Variants in GRIK1 observed in about 807,000 individuals in gnomAD.
GRIK1 encodes glutamate ionotropic receptor kainate type subunit 1, also known as glutamate receptor ionotropic, kainate 1.
GRIK1 carries 69 observed loss-of-function variants against 105.7 expected under a neutral mutation model. The observed-to-expected ratio is 0.65, with a 90% CI of 0.54 to 0.80. The LOEUF (loss-of-function observed/expected upper bound fraction) is 0.80. GRIK1 is among the 30% of genes least tolerant of loss of function. The probability of loss-of-function intolerance (pLI) is 0.00; values close to 1 mark genes in which losing one functional copy is unlikely to be tolerated. For synonymous variants in GRIK1, 438 were observed against 431.3 expected (o/e 1.02, Z -0.19); for missense variants, 1,109 against 1,167.3 (o/e 0.95, Z 0.73).
intron 1 of GRIK1, among the ~76,000 whole-genome samples, chr21:29,913,845 C>G (rs1266292385): frequency 1.3e-5 from 2 of 151,778 alleles, no homozygotes; most frequent in Non-Finnish European, 2.9e-5. Flanking sequence ...TCAAGTTACA[C>G]ATATACATAA....
At chr21:29,721,125 C>G (rs1601529985) in intron 1 of GRIK1, among the ~76,000 whole-genome samples, 1 of 152,030 alleles carries the variant, frequency 6.6e-6, no homozygotes, top group Non-Finnish European at 1.5e-5. Context: ...GGTGTATAAG[C>G]TGCTTGAGCT....
intron 1 of GRIK1, among the ~76,000 whole-genome samples, chr21:29,866,599 G>T (rs1271269676): frequency 6.6e-6 from 1 of 152,124 alleles, no homozygotes; most frequent in Non-Finnish European, 1.5e-5. Context: ...AAAGATGGGG[G>T]ACTTTTGGAT....
chr21:29,778,368 A>T (rs1434502538), intron 1 of GRIK1, among the ~76,000 whole-genome samples: 1 of 152,244 alleles, frequency 6.6e-6, no homozygotes, highest in Non-Finnish European at 1.5e-5. Context: ...TTAAGATTTA[A>T]TATAAGTGGT....
intron 4 of GRIK1, among the ~76,000 whole-genome samples, chr21:29,666,168 C>T (rs2063055498): frequency 2.0e-5 from 3 of 152,162 alleles, no homozygotes; most frequent in South Asian, 4.1e-4. Context: ...CTTTGGGAGG[C>T]CAAGGCAGGC....
intron 1 of GRIK1, among the ~76,000 whole-genome samples, chr21:29,914,513 C>T (rs2070927490): frequency 6.6e-6 from 1 of 152,082 alleles, no homozygotes; most frequent in Non-Finnish European, 1.5e-5. Context: ...AACTTCAAGC[C>T]CTGACTTGAC....
At chr21:29,647,609 T>G (rs76016043) in intron 6 of GRIK1, among the ~76,000 whole-genome samples, 7,313 of 152,268 alleles carry the variant, frequency 0.048, 268 homozygotes, top group Non-Finnish European at 0.073. Context: ...TTCCCCTGAC[T>G]CCTGTGCAGT....
At chr21:29,802,534 T>C (rs1007986320) in intron 1 of GRIK1, among the ~76,000 whole-genome samples, 4 of 152,154 alleles carry the variant, frequency 2.6e-5, no homozygotes, top group Non-Finnish European at 4.4e-5. Flanking sequence ...AATCTTTTTG[T>C]CTGGATCTCA....
In GRIK1 at chr21:29,537,152, C is replaced by T. The variant is rs747325151; in HGVS notation, c.*78G>A. ...TGGATATAGATATATGGAAACACATCACACACTCCTCAGAAATCCTTTCTC... is the reference window on the plus strand; with the variant it reads ...TGGATATAGATATATGGAAACACATTACACACTCCTCAGAAATCCTTTCTC... On this transcript the variant is annotated 3_prime_UTR_variant, in exon 18 of 18. Transcript: ENST00000327783. 6.2e-6 allele frequency: 6 copies of T among 971,776 alleles called. No individual in the cohort carries two copies. The highest frequency in any genetic ancestry group is 9.1e-6 in the Non-Finnish European group (6 of 657,400). 60.2% of individuals were successfully genotyped at this position (971,776 alleles called of 1,614,324 possible).
At chr21:29,750,667 GAGA>G (rs1036389746) in intron 1 of GRIK1, among the ~76,000 whole-genome samples, 9 of 151,674 alleles carry the variant, frequency 5.9e-5, no homozygotes, top group African/African-American at 2.2e-4. Context: ...GAGAAGGAGA[GAGA>G]AGAATTGAGA....
At chr21:29,598,206 T>G (rs1369401684) in intron 8 of GRIK1, among the ~76,000 whole-genome samples, 1 of 152,206 alleles carries the variant, frequency 6.6e-6, no homozygotes, top group Non-Finnish European at 1.5e-5. Flanking sequence ...ACCAAATAGT[T>G]TACATTGGAA....
At chr21:29,549,022 G>T (rs2090088493) in intron 16 of GRIK1, among the ~76,000 whole-genome samples, 1 of 152,094 alleles carries the variant, frequency 6.6e-6, no homozygotes, top group Admixed American at 6.5e-5. Flanking sequence ...CATTTGTTCA[G>T]TCTTTGTTTG....
intron 1 of GRIK1, among the ~76,000 whole-genome samples, chr21:29,934,853 A>G (rs924420001): frequency 3.9e-5 from 6 of 152,130 alleles, no homozygotes; most frequent in African/African-American, 1.4e-4. Context: ...TATTAAATGC[A>G]AAGATGAATG....
intron 1 of GRIK1, among the ~76,000 whole-genome samples, chr21:29,773,896 C>T (rs764296851): frequency 1.3e-5 from 2 of 152,174 alleles, no homozygotes; most frequent in Non-Finnish European, 2.9e-5. Context: ...AAACAACACA[C>T]CTTCTCAAGT....
chr21:29,685,443 T>A lies in GRIK1; in HGVS notation c.544+4285A>T, dbSNP rs577335629. Among the ~76,000 whole-genome samples the A allele has an allele frequency of 2.2e-5, 3 of 137,838 alleles. No individual in the cohort carries two copies. In the South Asian group the frequency reaches 6.9e-4, roughly 32 times the overall value. The allele number at this position is 137,838 out of a possible 152,430, so 90.4% of individuals were successfully genotyped here. On this transcript the variant is annotated intron_variant, in intron 3 of 17. Transcript: ENST00000327783. ...AAATAAAAGCTAAGCAGAATAGGAGTTTTTTTTGTTTTTTTTTAATGTTTT... is the reference window on the plus strand; with the variant it reads ...AAATAAAAGCTAAGCAGAATAGGAGATTTTTTTGTTTTTTTTTAATGTTTT...
chr21:29,562,705 T>A (rs2090511933), intron 14 of GRIK1, among the ~76,000 whole-genome samples: 2 of 148,268 alleles, frequency 1.3e-5, no homozygotes, highest in Non-Finnish European at 1.5e-5. Flanking sequence ...TGCCTTTTTA[T>A]GTGTATAATT....
intron 1 of GRIK1, among the ~76,000 whole-genome samples, chr21:29,702,938 T>C (rs1225059260): frequency 6.6e-6 from 1 of 152,210 alleles, no homozygotes; most frequent in Non-Finnish European, 1.5e-5. Context: ...TTGGTGGTAA[T>C]TTGTGATGAT....
chr21:29,691,184 A>G (rs568126410), intron 2 of GRIK1, among the ~76,000 whole-genome samples: 42 of 152,140 alleles, frequency 2.8e-4, no homozygotes, highest in African/African-American at 9.6e-4. Flanking sequence ...GTTGGTGTGC[A>G]CCTGTCGTCC....
intron 16 of GRIK1, among the ~76,000 whole-genome samples, chr21:29,543,006 T>C (rs1470352272): frequency 6.6e-6 from 1 of 152,200 alleles, no homozygotes; most frequent in Non-Finnish European, 1.5e-5. Context: ...CTACCATAAG[T>C]TGAAAGCAAG....
At chr21:29,936,273 T>C (rs2071751216) in intron 1 of GRIK1, among the ~76,000 whole-genome samples, 1 of 152,218 alleles carries the variant, frequency 6.6e-6, no homozygotes, top group African/African-American at 2.4e-5. Flanking sequence ...ATATTATCTG[T>C]CTTTCTGCAA....
Sources: allele counts gnomAD v4.1 joint callset (sites outside exome capture counted in the v4.1 genomes callset), GRCh38; gene constraint gnomAD v4.1.1; transcripts MANE v1.5; gene names NCBI Gene and HGNC (gene_info 2026-07-23, HGNC 2026-07-21).